Variants in MMEL1 observed in about 807,000 individuals in gnomAD.
MMEL1 encodes membrane metallo-endopeptidase-like 1.
A neutral mutation model predicts 117.1 loss-of-function variants in MMEL1; 98 were observed. The ratio of observed to expected loss-of-function variants is 0.84; its 90% CI spans 0.71 to 0.99. The LOEUF (loss-of-function observed/expected upper bound fraction) is 0.99, where lower values mean the gene tolerates loss of function less well. MMEL1 is among the 50% of genes least tolerant of loss of function. The probability of loss-of-function intolerance (pLI) is 0.00; values close to 1 mark genes in which losing one functional copy is unlikely to be tolerated. For missense variants in MMEL1, 1,014 were observed against 1,049.1 expected (o/e 0.97, Z 0.46); for synonymous variants, 390 against 415.1 (o/e 0.94, Z 0.74).
intron 11 of MMEL1, among the ~76,000 whole-genome samples, chr1:2,600,109 A>C (rs1644908468): frequency 6.6e-6 from 1 of 152,164 alleles, no homozygotes; most frequent in Non-Finnish European, 1.5e-5. Context: ...CTGAGATTAC[A>C]GGCATGTGCT....
At chr1:2,622,883 CA>C (rs60522932) in intron 2 of MMEL1, among the ~76,000 whole-genome samples, 3,218 of 103,952 alleles carry the variant, frequency 0.031, 80 homozygotes, top group African/African-American at 0.092. Flanking sequence ...AACTCTGTCT[CA>C]AAAAAAAAAA....
At chr1:2,631,076 TG>T (rs1465129132) in intron 1 of MMEL1, among the ~76,000 whole-genome samples, 4 of 152,224 alleles carry the variant, frequency 2.6e-5, no homozygotes, top group African/African-American at 9.6e-5. Context: ...GGTGTGTGGC[TG>T]TGCATGTCTG....
chr1:2,620,575 A>G (rs1339835094), intron 2 of MMEL1, among the ~76,000 whole-genome samples: 2 of 152,072 alleles, frequency 1.3e-5, no homozygotes, highest in Non-Finnish European at 2.9e-5. Context: ...ATTTGGGGAT[A>G]GGGCCTGTGA....
At chr1:2,621,988 C>T (rs964848688) in intron 2 of MMEL1, among the ~76,000 whole-genome samples, 3 of 152,148 alleles carry the variant, frequency 2.0e-5, no homozygotes, top group Admixed American at 1.3e-4. Context: ...ATTGGTCACT[C>T]GTATTTGGCT....
At chr1:2,599,636 T>A (rs1570661808) in intron 11 of MMEL1, among the ~76,000 whole-genome samples, 1 of 152,158 alleles carries the variant, frequency 6.6e-6, no homozygotes, top group East Asian at 1.9e-4. Context: ...GGCGGGCAGA[T>A]CACCTGAGGC....
Position 2,604,274 on chromosome 1 carries a change from TC to T in MMEL1, c.823del (p.Glu275LysfsTer72), listed in dbSNP as rs763292416. The part of the protein sequence containing the change: ...FNGGSNRKVR[E>X]AYLQFMVSVA... ...TGACACCATGAACTGCAGGTAGGCT[TC>T]CCGCACCTGGGCCAAAGGACGCCGG... On this transcript the variant is annotated frameshift_variant, in exon 10 of 24. Transcript: ENST00000378412. LOFTEE classifies it high-confidence loss of function. 6 of 1,612,606 alleles carry T rather than the reference TC, an allele frequency of 3.7e-6. No individual in the cohort carries two copies. Among genetic ancestry groups the T allele is most frequent in the Non-Finnish European group, 5.1e-6 (6 of 1,179,934 alleles).
chr1:2,604,469 C>G (rs1006578756), intron 9 of MMEL1, among the ~76,000 whole-genome samples, 188 bp from the exon 10 acceptor site: 1 of 152,196 alleles, frequency 6.6e-6, no homozygotes, highest in Non-Finnish European at 1.5e-5. Flanking sequence ...GACCTGTGCC[C>G]GAGCCACTGG....
chr1:2,592,098 A>C, intron 21 of MMEL1, 71 bp from the exon 22 acceptor site: 1 of 1,324,276 alleles, frequency 7.6e-7, no homozygotes, highest in Non-Finnish European at 1.1e-6. Flanking sequence ...ATCTCAGGGC[A>C]GAGCAGAGGT....
chr1:2,593,847 C>G lies in MMEL1; in HGVS notation c.1834G>C (p.Gly612Arg), dbSNP rs368869210. 1.2e-5 allele frequency: 20 copies of G among 1,612,172 alleles called. No individual in the cohort carries two copies. Among genetic ancestry groups the G allele is most frequent in the Non-Finnish European group, 1.6e-5 (19 of 1,179,044 alleles). ...TCAAAGCCGTGCGTGATCTCGTGCC[C>G]GATCACCATCCCAATGCCTCCAAAG... is the stretch of plus-strand genomic sequence containing the variant. The part of the protein sequence containing the change: ...LNFGGIGMVI[G>R]HEITHGFDDN... Residue 612 changes from glycine to arginine, a missense_variant, in exon 19 of 24, where the codon GGG becomes CGG. Physicochemically the swap from Gly to Arg is moderately radical, Grantham distance 125 (BLOSUM62 -2). Transcript: ENST00000378412.
chr1:2,616,272 G>T lies in MMEL1; in HGVS notation c.155-4068C>A, dbSNP rs1051055322. On this transcript the variant is annotated intron_variant, in intron 2 of 23. Transcript: ENST00000378412. ...TGGGAAGATCGCTTGAGTCTGGGAG[G>T]GGGGATGTTCCAGTAAGCTGTGATT... Among the ~76,000 whole-genome samples, 7 of 151,528 alleles carry T rather than the reference G, an allele frequency of 4.6e-5. No homozygotes were observed. The South Asian group carries it at 6.3e-4, about 14-fold the overall frequency.
At chr1:2,623,978 G>A (rs899501749) in intron 2 of MMEL1, among the ~76,000 whole-genome samples, 1 of 152,160 alleles carries the variant, frequency 6.6e-6, no homozygotes, top group Non-Finnish European at 1.5e-5. Context: ...CTGACATCAA[G>A]CAGTCTCCTG....
At chr1:2,622,340 A>C (rs1390781452) in intron 2 of MMEL1, among the ~76,000 whole-genome samples, 1 of 152,184 alleles carries the variant, frequency 6.6e-6, no homozygotes, top group Non-Finnish European at 1.5e-5. Context: ...CCTTGGTTGG[A>C]CCTTGAGTTT....
chr1:2,622,055 G>A (rs112078941), intron 2 of MMEL1, among the ~76,000 whole-genome samples: 1,764 of 152,274 alleles, frequency 0.012, 35 homozygotes, highest in African/African-American at 0.04. Flanking sequence ...TGACAAGAGG[G>A]TCTGATTCAG....
chr1:2,603,849 G>T (rs769784943), intron 11 of MMEL1, 35 bp downstream of exon 11: 1 of 1,599,648 alleles, frequency 6.3e-7, no homozygotes, highest in South Asian at 1.1e-5. Flanking sequence ...GTCTCCACCC[G>T]GCCAGTGCCG....
intron 2 of MMEL1, among the ~76,000 whole-genome samples, chr1:2,613,716 C>T (rs769340846): frequency 5.9e-5 from 9 of 151,858 alleles, no homozygotes; most frequent in African/African-American, 9.7e-5. Context: ...TCAAGCATGG[C>T]GGCATACGTC....
chr1:2,591,339 C>T (rs1644698650), intron 23 of MMEL1: 1 of 600,488 alleles, frequency 1.7e-6, no homozygotes, highest in South Asian at 2.0e-5. Flanking sequence ...GAAACATTCG[C>T]AGCCTGCGGT....
chr1:2,609,616 C>T (rs868314490), intron 5 of MMEL1, 54 bp downstream of exon 5: 30 of 1,564,392 alleles, frequency 1.9e-5, no homozygotes, highest in Middle Eastern at 3.5e-4. Flanking sequence ...ACTCCTGGCC[C>T]GGTGCTGTCC....
chr1:2,618,937 C>T (rs768847087), intron 2 of MMEL1, among the ~76,000 whole-genome samples: 5 of 152,164 alleles, frequency 3.3e-5, no homozygotes, highest in African/African-American at 7.2e-5. Flanking sequence ...TCTCTGCATC[C>T]GTGCCTTGGC....
chr1:2,606,565 C>T (rs1645032125), intron 7 of MMEL1, among the ~76,000 whole-genome samples, 199 bp from the exon 8 acceptor site: 3 of 152,142 alleles, frequency 2.0e-5, no homozygotes, highest in Admixed American at 6.5e-5. Flanking sequence ...CCCAGGTGAC[C>T]GGAGGGGGTT....
Sources: allele counts gnomAD v4.1 joint callset (sites outside exome capture counted in the v4.1 genomes callset), GRCh38; gene constraint gnomAD v4.1.1; transcripts MANE v1.5; gene names NCBI Gene and HGNC (gene_info 2026-07-23, HGNC 2026-07-21).